CACUL1: variants seen among roughly 807,000 people sequenced by gnomAD.
CACUL1 encodes CDK2 associated cullin domain 1.
Under a neutral mutation model 45.2 loss-of-function variants are expected in CACUL1, and 13 were observed. That is an observed-to-expected ratio of 0.29 (90% CI 0.19 to 0.46). The LOEUF (loss-of-function observed/expected upper bound fraction) is 0.46, where lower values mean the gene tolerates loss of function less well. CACUL1 is among the 20% of genes least tolerant of loss of function. The pLI is 1.00. For missense variants in CACUL1, 421 were observed against 471.4 expected, an observed-to-expected ratio of 0.89 and a Z score of 0.99; for synonymous variants, 197 against 174.2, an observed-to-expected ratio of 1.13 and a Z score of -1.03.
intron 7 of CACUL1, 86 bp from the exon 8 acceptor site, chr10:118,686,727 G>A: frequency 1.0e-6 from 1 of 980,428 alleles, no homozygotes; most frequent in South Asian, 1.3e-5. Context: ...TAAAAGTATA[G>A]CAGACATTTC....
intron 5 of CACUL1, among the ~76,000 whole-genome samples, chr10:118,696,941 T>C (rs1845329353): frequency 6.6e-6 from 1 of 152,198 alleles, no homozygotes; most frequent in South Asian, 2.1e-4. Flanking sequence ...GTATATACAT[T>C]TGCAAACAAC....
At position 118,682,613 on chromosome 10, in the gene CACUL1, T is replaced by C. The variant is rs1845164523; in HGVS notation, c.*3515A>G. 6.5e-6 allele frequency: 1 copy of C among 152,688 alleles called. No homozygotes were observed. The highest frequency in any genetic ancestry group is 1.5e-5 in the Non-Finnish European group (1 of 68,052). 9.5% of individuals were successfully genotyped at this position (152,688 alleles called of 1,614,324 possible). A position where few individuals can be genotyped will look rare whatever the true frequency, so the allele number is the denominator to read the frequency against. On this transcript the variant is annotated 3_prime_UTR_variant, in exon 9 of 9. Transcript: ENST00000369151. ...CCACCACTCGGAAGTTATCCTTTTG[T>C]GCTGAAAAACGTTCAAATCCCTTGT... is the stretch of plus-strand genomic sequence containing the variant.
At chr10:118,709,494 A>G (rs1434550194) in intron 3 of CACUL1, among the ~76,000 whole-genome samples, 3 of 152,256 alleles carry the variant, frequency 2.0e-5, no homozygotes, top group African/African-American at 7.2e-5. Context: ...CAGGTCTTCC[A>G]ACTAAGAATT....
rs1176888395 is a variant in CACUL1, at chr10:118,730,403, A to G, written c.375T>C (p.Asn125=). The G allele has an allele frequency of 5.6e-6, 9 of 1,611,168 alleles. 1 individual carries two copies. The South Asian group carries it at 8.8e-5, about 16-fold the overall frequency. ...TCTTATAATCTTCAATAGTTATAAC[A>G]TTCATTACTAAAAGTAAAAAGTAAA... is the stretch of plus-strand genomic sequence containing the variant. ...INTSTSKFLM[N]VITIEDYKST... Residue 125 remains asparagine, a synonymous_variant, in exon 2 of 9, where the codon AAT becomes AAC. Transcript: ENST00000369151.
At chr10:118,735,309 A>T (rs1426219759) in intron 1 of CACUL1, among the ~76,000 whole-genome samples, 1 of 152,246 alleles carries the variant, frequency 6.6e-6, no homozygotes, top group Non-Finnish European at 1.5e-5. Context: ...GAATAAATTC[A>T]GGAATTATAG....
rs376453440 is a variant in CACUL1, at chr10:118,746,151, C to CAAAAAAAAAAAAAAAAAAA, written c.367+8244_367+8245insTTTTTTTTTTTTTTTTTTT. Among the ~76,000 whole-genome samples, 9 of 91,274 alleles carry CAAAAAAAAAAAAAAAAAAA rather than the reference C, an allele frequency of 9.9e-5. No individual in the cohort carries two copies. In the Admixed American group the frequency reaches 1.2e-3, roughly 12 times the overall value. 59.9% of individuals were successfully genotyped at this position (91,274 alleles called of 152,430 possible). Reference sequence around the variant, plus strand: ...TGGGCAACAGAGCGAGACACTGTCTCAAAAAAAAAAAAAAAGGAGTCTTTA... The same window carrying CAAAAAAAAAAAAAAAAAAA: ...TGGGCAACAGAGCGAGACACTGTCTCAAAAAAAAAAAAAAAAAAAAAAAAAAAAAAAAAAGGAGTCTTTA... On this transcript the variant is annotated intron_variant, in intron 1 of 8. Coordinates refer to ENST00000369151, the MANE Select transcript of CACUL1 (RefSeq NM_153810.5).
chr10:118,748,415 T>C (rs1845865671), intron 1 of CACUL1, among the ~76,000 whole-genome samples: 1 of 152,142 alleles, frequency 6.6e-6, no homozygotes, highest in Admixed American at 6.5e-5. Flanking sequence ...GGTCATAGTA[T>C]GTCACCCTCT....
chr10:118,683,663 C>G lies in CACUL1; in HGVS notation c.*2465G>C, dbSNP rs1223241768. 6.6e-6 allele frequency: 1 copy of G among 152,056 alleles called. No individual in the cohort carries two copies. The highest frequency in any genetic ancestry group is 1.5e-5 in the Non-Finnish European group (1 of 68,012). 9.4% of individuals were successfully genotyped at this position (152,056 alleles called of 1,614,324 possible). A position where few individuals can be genotyped will look rare whatever the true frequency, so the allele number is the denominator to read the frequency against. On this transcript the variant is annotated 3_prime_UTR_variant, in exon 9 of 9. Coordinates refer to ENST00000369151, the MANE Select transcript of CACUL1 (RefSeq NM_153810.5). Reference sequence around the variant, plus strand: ...TGAGCTGAGATTGCACCACTGCACTCCAGCCTGGGTGAGAGAGTGAGACTC... The same window carrying G: ...TGAGCTGAGATTGCACCACTGCACTGCAGCCTGGGTGAGAGAGTGAGACTC...
chr10:118,734,014 AAAAAC>A (rs1467311940), intron 1 of CACUL1, among the ~76,000 whole-genome samples: 4 of 152,210 alleles, frequency 2.6e-5, no homozygotes, highest in African/African-American at 9.6e-5. Flanking sequence ...AGACTGTCTC[AAAAAC>A]AAAACAAAAC....
chr10:118,733,024 T>C (rs1845710918), intron 1 of CACUL1, among the ~76,000 whole-genome samples: 1 of 152,186 alleles, frequency 6.6e-6, no homozygotes, highest in Admixed American at 6.5e-5. Flanking sequence ...ACACCAGTAA[T>C]TAACATACCT....
rs141000409 is a variant in CACUL1 at position 118,721,480 on chromosome 10, T to C, written c.597+7815A>G. Among the ~76,000 whole-genome samples, 613 of 152,314 alleles carry C rather than the reference T, an allele frequency of 4.0e-3. 7 individuals are homozygous for C. The highest frequency in any genetic ancestry group is 0.014 in the African/African-American group (593 of 41,566). On this transcript the variant is annotated intron_variant, in intron 3 of 8. Coordinates refer to ENST00000369151, the MANE Select transcript of CACUL1 (RefSeq NM_153810.5). The stretch of plus-strand genomic sequence containing the variant: ...TCTAATTTTATTAAAATGGTTTAAA[T>C]GTAATCAGTTAACTTCCTTTTAATT...
chr10:118,727,297 G>A (rs1338156904), intron 3 of CACUL1, among the ~76,000 whole-genome samples: 4 of 151,788 alleles, frequency 2.6e-5, no homozygotes, highest in African/African-American at 9.7e-5. Flanking sequence ...GGAGGCTGGG[G>A]TGGGAGGATC....
intron 4 of CACUL1, among the ~76,000 whole-genome samples, chr10:118,702,864 G>A (rs1418133628): frequency 6.6e-6 from 1 of 152,154 alleles, no homozygotes; most frequent in Non-Finnish European, 1.5e-5. Flanking sequence ...TTACAGGCGT[G>A]AGCCACCATG....
chr10:118,693,133 G>GT (rs1845288358), intron 6 of CACUL1: 2 of 152,206 alleles, frequency 1.3e-5, no homozygotes, highest in South Asian at 2.1e-4. Flanking sequence ...GCCAAAAATG[G>GT]TAAGTCATGA....
At chr10:118,748,010 G>A (rs1329914163) in intron 1 of CACUL1, among the ~76,000 whole-genome samples, 3 of 152,180 alleles carry the variant, frequency 2.0e-5, no homozygotes, top group South Asian at 2.1e-4. Context: ...ACTTGAACCC[G>A]GGAGCCAGAG....
intron 1 of CACUL1, among the ~76,000 whole-genome samples, chr10:118,747,541 A>C (rs1287117295): frequency 6.7e-6 from 1 of 149,932 alleles, no homozygotes; most frequent in African/African-American, 2.5e-5. Context: ...TAAATCAAAA[A>C]AAAAAAAAAA....
At chr10:118,738,870 AAAG>A (rs1845764728) in intron 1 of CACUL1, among the ~76,000 whole-genome samples, 1 of 149,996 alleles carries the variant, frequency 6.7e-6, no homozygotes, top group African/African-American at 2.5e-5. Context: ...GTGTCATAAA[AAAG>A]AAGTAATCCA....
chr10:118,711,491 T>C (rs1845485591), intron 3 of CACUL1, among the ~76,000 whole-genome samples: 1 of 152,238 alleles, frequency 6.6e-6, no homozygotes, highest in South Asian at 2.1e-4. Flanking sequence ...ACGTAACATC[T>C]TCCCCTAAAC....
intron 1 of CACUL1, among the ~76,000 whole-genome samples, chr10:118,741,576 T>G (rs1480122497): frequency 1.3e-5 from 2 of 152,124 alleles, no homozygotes; most frequent in Admixed American, 6.5e-5. Context: ...ATCTTCATCT[T>G]CCTTTCCTCA....
Sources: allele counts gnomAD v4.1 joint callset (sites outside exome capture counted in the v4.1 genomes callset), GRCh38; gene constraint gnomAD v4.1.1; transcripts MANE v1.5; gene names NCBI Gene and HGNC (gene_info 2026-07-23, HGNC 2026-07-21).